The following SORCS2 variants were observed in gnomAD, a reference collection of about 807,000 sequenced individuals.
SORCS2 encodes sortilin related VPS10 domain containing receptor 2, also known as VPS10 domain-containing receptor SorCS2.
In SORCS2, 100 loss-of-function variants were observed where a neutral mutation model predicts 141.6. The observed-to-expected ratio is 0.71, with a 90% CI of 0.60 to 0.83. The LOEUF (loss-of-function observed/expected upper bound fraction) is 0.83, where lower values mean the gene tolerates loss of function less well. SORCS2 is among the 40% of genes least tolerant of loss of function. The pLI is 0.00. For synonymous variants in SORCS2, 789 were observed against 676.9 expected, an observed-to-expected ratio of 1.17 and a Z score of -2.57; for missense variants, 1,646 against 1,560.2, an observed-to-expected ratio of 1.05 and a Z score of -0.93.
At position 7,678,802 on chromosome 4, in the gene SORCS2, C is replaced by G. The variant is rs372802511; in HGVS notation, c.1341+2573C>G. 5.3e-4 allele frequency among the ~76,000 whole-genome samples: 81 copies of G among 151,588 alleles called. 1 individual carries two copies. Among genetic ancestry groups the G allele is most frequent in the African/African-American group, 1.9e-3 (78 of 41,260 alleles). ...GGTGGTTACAAGCACAACTCTGGAG[C>G]CTGACTTCCCGAGGGTCAGGTCCAT... On this transcript the variant is annotated intron_variant, in intron 9 of 26. Coordinates refer to ENST00000507866, the MANE Select transcript of SORCS2 (RefSeq NM_020777.3).
At chr4:7,322,065 T>C (rs1386500898) in intron 1 of SORCS2, among the ~76,000 whole-genome samples, 1 of 152,158 alleles carries the variant, frequency 6.6e-6, no homozygotes, top group Non-Finnish European at 1.5e-5. Context: ...GCCATGAGGC[T>C]CGTAGAGGGC....
At chr4:7,574,766 T>C (rs993633455) in intron 3 of SORCS2, among the ~76,000 whole-genome samples, 1 of 152,202 alleles carries the variant, frequency 6.6e-6, no homozygotes, top group African/African-American at 2.4e-5. Flanking sequence ...GCGGCTCCTC[T>C]GACTGCATCT....
At chr4:7,200,541 A>G (rs187255680) in intron 1 of SORCS2, among the ~76,000 whole-genome samples, 2 of 152,210 alleles carry the variant, frequency 1.3e-5, no homozygotes, top group East Asian at 3.9e-4. Flanking sequence ...CTTAGTACAC[A>G]TTTGCTAATT....
intron 1 of SORCS2, among the ~76,000 whole-genome samples, chr4:7,214,960 C>T (rs1215657397): frequency 1.3e-5 from 2 of 151,134 alleles, no homozygotes; most frequent in East Asian, 2.0e-4. Context: ...GAGGTGACAG[C>T]GTGCTGGCAG....
In SORCS2 at chr4:7,196,202, A is replaced by G. The variant is rs550030579; in HGVS notation, c.480+3076A>G. ...GTAGAAACAAATTGTTATGTGTGAA[A>G]TTAATGTTTCATTGAAACCAAGAGG... On this transcript the variant is annotated intron_variant, in intron 1 of 26. Transcript: ENST00000507866. Among the ~76,000 whole-genome samples, 4 of 152,360 alleles carry G rather than the reference A, an allele frequency of 2.6e-5. No homozygotes were observed. The East Asian group carries it at 7.7e-4, about 29-fold the overall frequency.
chr4:7,213,819 G>A (rs912292024), intron 1 of SORCS2, among the ~76,000 whole-genome samples: 1 of 152,200 alleles, frequency 6.6e-6, no homozygotes, highest in African/African-American at 2.4e-5. Context: ...GCCCACCCCT[G>A]GAAAGGTACT....
intron 2 of SORCS2, among the ~76,000 whole-genome samples, chr4:7,490,053 C>G (rs1187913091): frequency 6.6e-6 from 1 of 152,182 alleles, no homozygotes; most frequent in Non-Finnish European, 1.5e-5. Flanking sequence ...GATAAAAGGG[C>G]ACAAGATCAC....
At chr4:7,596,380 T>A (rs968195954) in intron 3 of SORCS2, among the ~76,000 whole-genome samples, 1 of 152,164 alleles carries the variant, frequency 6.6e-6, no homozygotes, top group African/African-American at 2.4e-5. Context: ...CTCATGCTGC[T>A]TTTTATAGGG....
intron 2 of SORCS2, among the ~76,000 whole-genome samples, chr4:7,496,060 C>T (rs1034811461): frequency 1.7e-4 from 26 of 152,158 alleles, no homozygotes; most frequent in East Asian, 7.7e-4. Context: ...AGTTCCAAAG[C>T]GGTGCAGAAG....
intron 1 of SORCS2, among the ~76,000 whole-genome samples, chr4:7,329,810 AG>A (rs1207681210): frequency 3.3e-5 from 5 of 152,036 alleles, no homozygotes; most frequent in African/African-American, 1.2e-4. Context: ...CAACCTTTCC[AG>A]GTCAGCCAGG....
rs1022447200 is a variant in SORCS2, at chr4:7,742,082, A to T, written c.*1818A>T. ...AGCTCTCTCCCCACCCTACCTGCCC[A>T]CCTGGGGCTCCTGTGCCCCCTCCCC... On this transcript the variant is annotated 3_prime_UTR_variant, in exon 27 of 27. Coordinates refer to ENST00000507866, the MANE Select transcript of SORCS2 (RefSeq NM_020777.3). 1 of 145,580 alleles carries T rather than the reference A, an allele frequency of 6.9e-6. No homozygotes were observed. The highest frequency in any genetic ancestry group is 2.6e-5 in the African/African-American group (1 of 38,728). 9.0% of individuals were successfully genotyped at this position (145,580 alleles called of 1,614,324 possible). A position where few individuals can be genotyped will look rare whatever the true frequency, so the allele number is the denominator to read the frequency against.
In SORCS2 at chr4:7,682,801, C is replaced by T. The variant is rs376699925; in HGVS notation, c.1400C>T (p.Thr467Met). ...CAAAAAATTGATGGGAAAGTGATGA[C>T]GCTTATAACCTACAACAAGGGCCGC... ...ANQKIDGKVMTLITYNKGRDW... is the reference protein window; with the variant it reads ...ANQKIDGKVMMLITYNKGRDW... The change falls in exon 10 of 27, where the codon ACG (threonine) becomes ATG (methionine). Residue 467 changes from threonine (T) to methionine (M), a missense_variant. Thr to Met is a moderately conservative substitution (Grantham distance 81). Transcript: ENST00000507866. 12 of 1,612,488 alleles carry T rather than the reference C, an allele frequency of 7.4e-6. No homozygotes were observed. The highest frequency in any genetic ancestry group is 1.1e-5 in the South Asian group (1 of 90,676).
At chr4:7,214,872 C>G (rs903423298) in intron 1 of SORCS2, among the ~76,000 whole-genome samples, 1 of 152,206 alleles carries the variant, frequency 6.6e-6, no homozygotes, top group African/African-American at 2.4e-5. Flanking sequence ...GTCTGTTCTG[C>G]TCATGGACTT....
chr4:7,657,878 CTGAGTGAATGAGTGAG>C (rs1369968867), intron 5 of SORCS2, among the ~76,000 whole-genome samples: 5 of 140,802 alleles, frequency 3.6e-5, no homozygotes, highest in African/African-American at 8.1e-5. Context: ...GAGTGAGTCA[CTGAGTGAATGAGTGAG>C]TGAGTGAATG....
chr4:7,605,249 G>T (rs1327041630), intron 3 of SORCS2, among the ~76,000 whole-genome samples: 1 of 152,212 alleles, frequency 6.6e-6, no homozygotes, highest in Non-Finnish European at 1.5e-5. Context: ...GAAAGGCATG[G>T]TGGTGGTTTT....
In SORCS2 at chr4:7,193,987, G is replaced by C. The variant is rs750765206; in HGVS notation, c.480+861G>C. Among the ~76,000 whole-genome samples, 11 of 152,086 alleles carry C rather than the reference G, an allele frequency of 7.2e-5. No homozygotes were observed. The highest frequency in any genetic ancestry group is 1.3e-4 in the Non-Finnish European group (9 of 67,996). ...AGGGTCCCTTTAGATTATTCCCCTG[G>C]GGGCTGCCTCAACCTCACTCCCCAC... On this transcript the variant is annotated intron_variant, in intron 1 of 26. Coordinates refer to ENST00000507866, the MANE Select transcript of SORCS2 (RefSeq NM_020777.3). This position sits in a 1 kb window ranked among gnomAD's most constrained non-coding sequence, Gnocchi z 4.8.
At chr4:7,425,232 C>T (rs1726349211) in intron 2 of SORCS2, among the ~76,000 whole-genome samples, 3 of 152,198 alleles carry the variant, frequency 2.0e-5, no homozygotes, top group South Asian at 2.1e-4. Flanking sequence ...GGCCCTTGAT[C>T]GCTGTGGGGT....
intron 3 of SORCS2, among the ~76,000 whole-genome samples, chr4:7,635,515 G>T (rs571543637): frequency 1.3e-5 from 2 of 152,188 alleles, no homozygotes; most frequent in South Asian, 4.1e-4. Context: ...ATACCTATTT[G>T]TCCACTCATT....
chr4:7,620,229 C>A (rs1052158087), intron 3 of SORCS2, among the ~76,000 whole-genome samples: 1 of 152,190 alleles, frequency 6.6e-6, no homozygotes, highest in Non-Finnish European at 1.5e-5. Flanking sequence ...TATCACCATG[C>A]ATTGTTTTCT....
Sources: allele counts gnomAD v4.1 joint callset (sites outside exome capture counted in the v4.1 genomes callset), GRCh38; gene constraint gnomAD v4.1.1; non-coding constraint Gnocchi (gnomAD v3.1); transcripts MANE v1.5; gene names NCBI Gene and HGNC (gene_info 2026-07-23, HGNC 2026-07-21).